PRKG1: variants seen among roughly 807,000 people sequenced by gnomAD.
PRKG1 encodes cGMP-dependent protein kinase 1.
A neutral mutation model predicts 88.1 loss-of-function variants in PRKG1; 35 were observed. That is an observed-to-expected ratio of 0.40 (90% CI 0.30 to 0.53). The LOEUF (loss-of-function observed/expected upper bound fraction) is 0.53, where lower values mean the gene tolerates loss of function less well. Among genes scored for constraint, PRKG1 ranks in the 20% least tolerant of loss-of-function variants. The pLI is 0.59. For missense variants in PRKG1, 540 were observed against 839.8 expected (o/e 0.64, Z 4.41); for synonymous variants, 303 against 292.5 (o/e 1.04, Z -0.37).
intron 3 of PRKG1, among the ~76,000 whole-genome samples, chr10:51,585,823 G>A (rs974918474): frequency 2.0e-5 from 3 of 152,130 alleles, no homozygotes; most frequent in Non-Finnish European, 4.4e-5. Flanking sequence ...TTGCAGCAAC[G>A]TGAATGGAGC....
At chr10:51,362,376 G>A (rs957603366) in intron 2 of PRKG1, among the ~76,000 whole-genome samples, 3 of 151,610 alleles carry the variant, frequency 2.0e-5, no homozygotes, top group African/African-American at 4.8e-5. Context: ...ATGCATCATG[G>A]CTTCTTTTTA....
intron 5 of PRKG1, among the ~76,000 whole-genome samples, chr10:51,937,026 T>A (rs778948759): frequency 6.6e-6 from 1 of 152,008 alleles, no homozygotes; most frequent in Non-Finnish European, 1.5e-5. Context: ...AAAGAATTAT[T>A]TTGCTGTTTA....
intron 3 of PRKG1, among the ~76,000 whole-genome samples, chr10:51,507,442 C>T (rs1841254410): frequency 6.6e-6 from 1 of 152,008 alleles, no homozygotes; most frequent in African/African-American, 2.4e-5. Flanking sequence ...TGTATTCTTG[C>T]TCATAATTCT....
chr10:51,111,683 T>C (rs1331993986), intron 1 of PRKG1, among the ~76,000 whole-genome samples: 1 of 152,164 alleles, frequency 6.6e-6, no homozygotes, highest in East Asian at 1.9e-4. Flanking sequence ...TAAGTTTGTG[T>C]GCATTTCTAA....
At chr10:52,176,548 T>C (rs1838873775) in intron 9 of PRKG1, among the ~76,000 whole-genome samples, 1 of 152,154 alleles carries the variant, frequency 6.6e-6, no homozygotes. Flanking sequence ...TATTTATTTT[T>C]CTGTGAAGAA....
chr10:52,111,976 C>T (rs1001130824), intron 7 of PRKG1, among the ~76,000 whole-genome samples: 2 of 152,136 alleles, frequency 1.3e-5, no homozygotes, highest in African/African-American at 4.8e-5. Flanking sequence ...AACATCACAG[C>T]CTTCTATTCT....
intron 2 of PRKG1, among the ~76,000 whole-genome samples, chr10:51,329,980 C>T (rs1841690699): frequency 6.8e-6 from 1 of 146,824 alleles, no homozygotes; most frequent in African/African-American, 2.5e-5. Context: ...TGGCCTTGTA[C>T]TTAGATACTT....
At chr10:52,261,981 A>G (rs1488296716) in intron 10 of PRKG1, among the ~76,000 whole-genome samples, 2 of 152,070 alleles carry the variant, frequency 1.3e-5, no homozygotes, top group Non-Finnish European at 2.9e-5. Flanking sequence ...CCAAAAAGTT[A>G]TTTGAGTTGG....
At chr10:51,663,136 G>A (rs1197566454) in intron 3 of PRKG1, among the ~76,000 whole-genome samples, 2 of 152,094 alleles carry the variant, frequency 1.3e-5, no homozygotes, top group African/African-American at 4.8e-5. Flanking sequence ...AAACCGCAAT[G>A]AGAAAGGGAA....
intron 1 of PRKG1, chr10:51,062,648 G>A (rs969454311): frequency 6.6e-6 from 1 of 151,450 alleles, no homozygotes; most frequent in Non-Finnish European, 1.5e-5. Flanking sequence ...TTGAGATGGA[G>A]TTTTGCTCTT....
At chr10:51,490,999 C>T (rs967350700) in intron 3 of PRKG1, among the ~76,000 whole-genome samples, 4 of 151,928 alleles carry the variant, frequency 2.6e-5, no homozygotes, top group African/African-American at 7.2e-5. Context: ...AAGTGAGGCC[C>T]TACATCAGTG....
At chr10:51,565,333 A>G (rs1190924361) in intron 3 of PRKG1, among the ~76,000 whole-genome samples, 1 of 152,024 alleles carries the variant, frequency 6.6e-6, no homozygotes, top group Non-Finnish European at 1.5e-5. Flanking sequence ...ATGAGCATAT[A>G]CCCCTCTTTC....
intron 9 of PRKG1, among the ~76,000 whole-genome samples, chr10:52,196,076 G>A (rs1008867060): frequency 2.6e-5 from 4 of 151,982 alleles, no homozygotes; most frequent in Admixed American, 2.0e-4. Context: ...GCAGTGGCAC[G>A]ATCTCGGCTC....
chr10:51,294,811 C>T (rs1840675893), intron 2 of PRKG1, among the ~76,000 whole-genome samples: 1 of 152,144 alleles, frequency 6.6e-6, no homozygotes, highest in Admixed American at 6.6e-5. Context: ...CAGTGGCTTA[C>T]TCCAGTAATC....
intron 3 of PRKG1, among the ~76,000 whole-genome samples, chr10:51,683,511 G>T (rs2132374686): frequency 6.6e-6 from 1 of 152,316 alleles, no homozygotes; most frequent in South Asian, 2.1e-4. Flanking sequence ...AAATCCACTG[G>T]CAGGGAGATA....
At chr10:52,152,874 G>A (rs1001589029) in intron 8 of PRKG1, among the ~76,000 whole-genome samples, 2 of 152,072 alleles carry the variant, frequency 1.3e-5, no homozygotes, top group African/African-American at 2.4e-5. Flanking sequence ...GGAAGGAAGA[G>A]GACAATCTAG....
At chr10:51,377,101 G>A (rs2132621146) in intron 2 of PRKG1, among the ~76,000 whole-genome samples, 1 of 151,934 alleles carries the variant, frequency 6.6e-6, no homozygotes, top group Non-Finnish European at 1.5e-5. Flanking sequence ...AAAAAACACA[G>A]TATTTATCCC....
At chr10:50,993,796 A>C (rs1842806122) in intron 1 of PRKG1, among the ~76,000 whole-genome samples, 1 of 152,232 alleles carries the variant, frequency 6.6e-6, no homozygotes, top group Non-Finnish European at 1.5e-5. Flanking sequence ...AGAGGCAAGA[A>C]ATCTCTAAGA....
chr10:51,327,143 G>T (rs564008148), intron 2 of PRKG1, among the ~76,000 whole-genome samples: 1 of 152,220 alleles, frequency 6.6e-6, no homozygotes, highest in Non-Finnish European at 1.5e-5. Flanking sequence ...GGCTGGGCAT[G>T]GTGGCTCACG....
Sources: allele counts gnomAD v4.1 joint callset (sites outside exome capture counted in the v4.1 genomes callset), GRCh38; gene constraint gnomAD v4.1.1; transcripts MANE v1.5; gene names NCBI Gene and HGNC (gene_info 2026-07-23, HGNC 2026-07-21).